ARHGEF10: variants seen among roughly 807,000 people sequenced by gnomAD.
The protein encoded by ARHGEF10 is Rho guanine nucleotide exchange factor (GEF) 10.
ARHGEF10 carries 140 observed loss-of-function variants against 147.4 expected under a neutral mutation model. The ratio of observed to expected loss-of-function variants is 0.95; its 90% CI spans 0.83 to 1.09. The LOEUF (loss-of-function observed/expected upper bound fraction) is 1.09, where lower values mean the gene tolerates loss of function less well. ARHGEF10 is among the 50% of genes least tolerant of loss of function. The pLI is 0.00. For missense variants in ARHGEF10, 2,222 were observed against 1,752.7 expected (o/e 1.27, Z -4.78); for synonymous variants, 902 against 695.8 (o/e 1.30, Z -4.67).
chr8:1,827,180 T>C (rs1475321027), intron 1 of ARHGEF10, among the ~76,000 whole-genome samples: 1 of 152,240 alleles, frequency 6.6e-6, no homozygotes, highest in African/African-American at 2.4e-5. Flanking sequence ...GCCCCCACGC[T>C]GATACACACA....
intron 18 of ARHGEF10, among the ~76,000 whole-genome samples, chr8:1,915,721 C>T (rs146088028): frequency 3.9e-4 from 59 of 152,322 alleles, no homozygotes; most frequent in Non-Finnish European, 6.3e-4. Flanking sequence ...AGTAACACAC[C>T]CTTCAAACTC....
rs1309844967 is a variant in ARHGEF10 at position 1,954,987 on chromosome 8, TCC to T, written c.3521-1761_3521-1760del. The stretch of plus-strand genomic sequence containing the variant: ...CTGAAAGGAGGTGCACTCTCACTGT[TCC>T]TCTGGAGGATAGCCAGGTGCTCCCT... On this transcript the variant is annotated intron_variant, in intron 28 of 28. Transcript: ENST00000349830. Among the ~76,000 whole-genome samples, 536 of 146,786 alleles carry T rather than the reference TCC, an allele frequency of 3.7e-3. 24 individuals carry two copies. The highest frequency in any genetic ancestry group is 4.6e-3 in the African/African-American group (180 of 38,874).
At position 1,956,739 on chromosome 8, in the gene ARHGEF10, C is replaced by T. The variant is rs748963134; in HGVS notation, c.3521-10C>T. ...TTAAAAGACAGCTGTTGAACTGTTT[C>T]CCTTTTCAGGAAGAGGCATGGTCTC... On this transcript the variant is annotated splice_polypyrimidine_tract_variant and intron_variant, in intron 28 of 28. Coordinates refer to ENST00000349830, the MANE Select transcript of ARHGEF10 (RefSeq NM_014629.4). 8.7e-6 allele frequency: 14 copies of T among 1,613,614 alleles called. No individual in the cohort carries two copies. Among genetic ancestry groups the T allele is most frequent in the African/African-American group, 2.7e-5 (2 of 74,930 alleles).
Position 1,838,468 on chromosome 8 carries a change from T to C in ARHGEF10, c.-47-4885T>C, listed in dbSNP as rs1821503915. On this transcript the variant is annotated intron_variant, in intron 1 of 28. Transcript: ENST00000349830. ...GCCCAGCCTGGGGAGAAGCCATCCC[T>C]TTCTCTGCACTCAGGGCAGCAGTCA... Among the ~76,000 whole-genome samples, 5 of 152,254 alleles carry C rather than the reference T, an allele frequency of 3.3e-5. No homozygotes were observed. In the South Asian group the frequency reaches 1.0e-3, roughly 31 times the overall value.
chr8:1,860,206 C>A (rs754614918), intron 4 of ARHGEF10, 22 bp downstream of exon 4: 32 of 1,608,448 alleles, frequency 2.0e-5, no homozygotes, highest in Non-Finnish European at 2.5e-5. Flanking sequence ...CTCCTCTCCA[C>A]GCCCCCGAAG....
At chr8:1,918,698 C>T (rs527987352) in intron 18 of ARHGEF10, among the ~76,000 whole-genome samples, 2 of 152,314 alleles carry the variant, frequency 1.3e-5, no homozygotes, top group South Asian at 4.1e-4. Context: ...TTCAAGTATA[C>T]AATACCTTAT....
intron 10 of ARHGEF10, among the ~76,000 whole-genome samples, chr8:1,883,306 G>C (rs79821694): frequency 6.6e-6 from 1 of 152,088 alleles, no homozygotes; most frequent in Admixed American, 6.5e-5. Context: ...TTTACCGTCC[G>C]AGGAGACTTC....
Position 1,891,096 on chromosome 8 carries a change from T to C in ARHGEF10, c.1183-2473T>C, listed in dbSNP as rs1585421342. On this transcript the variant is annotated intron_variant, in intron 11 of 28. Coordinates refer to ENST00000349830, the MANE Select transcript of ARHGEF10 (RefSeq NM_014629.4). Reference sequence around the variant, plus strand: ...CCACCGTAATGGTTCAGTGAAGTCCTGTATAGCAAGGTCTCTGTGTTGTGT... The same window carrying C: ...CCACCGTAATGGTTCAGTGAAGTCCCGTATAGCAAGGTCTCTGTGTTGTGT... 3.9e-5 allele frequency among the ~76,000 whole-genome samples: 6 copies of C among 152,348 alleles called. 1 individual carries two copies. In the South Asian group the frequency reaches 8.3e-4, roughly 21 times the overall value.
At chr8:1,929,164 C>A in intron 24 of ARHGEF10, 122 bp from the exon 25 acceptor site, 1 of 1,100,766 alleles carries the variant, frequency 9.1e-7, no homozygotes, top group East Asian at 2.5e-5. Flanking sequence ...GCAAGTGTCC[C>A]TAGGAATGGA....
intron 1 of ARHGEF10, among the ~76,000 whole-genome samples, chr8:1,836,200 A>G (rs566386215): frequency 6.6e-6 from 1 of 152,248 alleles, no homozygotes; most frequent in Admixed American, 6.5e-5. Flanking sequence ...AAAAAGAAAA[A>G]AAAAAACACA....
At chr8:1,916,324 T>C (rs1275882233) in intron 18 of ARHGEF10, among the ~76,000 whole-genome samples, 1 of 152,226 alleles carries the variant, frequency 6.6e-6, no homozygotes, top group Non-Finnish European at 1.5e-5. Flanking sequence ...AAGTTAGGTG[T>C]TGAGCAAATT....
intron 2 of ARHGEF10, among the ~76,000 whole-genome samples, chr8:1,849,463 C>T (rs1804827549): frequency 6.8e-6 from 1 of 147,850 alleles, no homozygotes; most frequent in East Asian, 2.1e-4. Context: ...GCCACATGGA[C>T]ACAGACAGCA....
rs1464951214 is a variant in ARHGEF10 at position 1,841,997 on chromosome 8, GGCGGGA to G, written c.-47-1355_-47-1350del. Among the ~76,000 whole-genome samples the G allele has an allele frequency of 2.8e-4, 21 of 75,602 alleles. 2 individuals carry two copies. Among genetic ancestry groups the G allele is most frequent in the East Asian group, 7.7e-4 (2 of 2,598 alleles). The allele number at this position is 75,602 out of a possible 152,430, so 49.6% of individuals were successfully genotyped here. A position where few individuals can be genotyped will look rare whatever the true frequency, so the allele number is the denominator to read the frequency against. On this transcript the variant is annotated intron_variant, in intron 1 of 28. Transcript: ENST00000349830. The stretch of plus-strand genomic sequence containing the variant: ...GGGCCGCGGCGGGAACTGGGGCCGC[GGCGGGA>G]ACTGGGGCCGCGGCGGGAACTGGGG...
intron 22 of ARHGEF10, among the ~76,000 whole-genome samples, 175 bp from the exon 23 acceptor site, chr8:1,926,202 T>G (rs551461302): frequency 1.7e-4 from 26 of 152,356 alleles, no homozygotes; most frequent in Non-Finnish European, 2.6e-4. Flanking sequence ...AAAGCTAACT[T>G]CTGAGAGTTG....
chr8:1,925,377 G>A lies in ARHGEF10; in HGVS notation c.2583G>A (p.Val861=), dbSNP rs141164534. The A allele has an allele frequency of 1.9e-6, 3 of 1,614,062 alleles. No homozygotes were observed. In the African/African-American group the frequency reaches 4.0e-5, roughly 22 times the overall value. The part of the protein sequence containing the change: ...KHPLLVGHMP[V]MVAKQQEFKI... ...CTCTCCTCGTCGGACACATGCCCGT[G>A]ATGGTGGCCAAGCAGCAGGAGTTCA... Residue 861 remains valine, a synonymous_variant, in exon 22 of 29, where the codon GTG becomes GTA. Coordinates refer to ENST00000349830, the MANE Select transcript of ARHGEF10 (RefSeq NM_014629.4).
rs73671007 is a variant in ARHGEF10 at position 1,865,998 on chromosome 8, A to G, written c.546-528A>G. Among the ~76,000 whole-genome samples the G allele has an allele frequency of 5.5e-3, 844 of 152,248 alleles. 7 individuals are homozygous for G. Among genetic ancestry groups the G allele is most frequent in the African/African-American group, 0.019 (803 of 41,548 alleles). ...GAGTGGAGCATTCCCGTAGCTACCCATTGCAAAGGATGACACCGCAGTCCC... is the reference window on the plus strand; with the variant it reads ...GAGTGGAGCATTCCCGTAGCTACCCGTTGCAAAGGATGACACCGCAGTCCC... On this transcript the variant is annotated intron_variant, in intron 5 of 28. Transcript: ENST00000349830.
intron 16 of ARHGEF10, among the ~76,000 whole-genome samples, chr8:1,904,613 G>A (rs1810735493): frequency 1.3e-5 from 2 of 152,140 alleles, no homozygotes; most frequent in South Asian, 4.1e-4. Flanking sequence ...ATACACATGG[G>A]GCACGGAGCA....
intron 1 of ARHGEF10, among the ~76,000 whole-genome samples, chr8:1,827,108 G>A (rs1028284810): frequency 6.6e-6 from 1 of 152,180 alleles, no homozygotes; most frequent in African/African-American, 2.4e-5. Flanking sequence ...GTCTAGGGAG[G>A]GGCAGGGTTA....
intron 8 of ARHGEF10, among the ~76,000 whole-genome samples, chr8:1,878,014 A>G (rs1807852434): frequency 6.6e-6 from 1 of 151,976 alleles, no homozygotes; most frequent in Non-Finnish European, 1.5e-5. Flanking sequence ...GGCTGCCTAC[A>G]ATTCTCATAT....
Sources: allele counts gnomAD v4.1 joint callset (sites outside exome capture counted in the v4.1 genomes callset), GRCh38; gene constraint gnomAD v4.1.1; transcripts MANE v1.5; gene names NCBI Gene and HGNC (gene_info 2026-07-23, HGNC 2026-07-21).